The following SPEF2 variants were observed in gnomAD, a reference collection of about 807,000 sequenced individuals.
The protein encoded by SPEF2 is sperm flagellar and cilia associated 2.
Under a neutral mutation model 224.6 loss-of-function variants are expected in SPEF2, and 187 were observed. The observed-to-expected ratio is 0.83, with a 90% CI of 0.74 to 0.94. The LOEUF (loss-of-function observed/expected upper bound fraction) is 0.94. Ranked by LOEUF, SPEF2 falls within the 40% of genes least tolerant of loss-of-function variation. The pLI is 0.00. For missense variants in SPEF2, 2,170 were observed against 2,135.6 expected, an observed-to-expected ratio of 1.02 and a Z score of -0.32; for synonymous variants, 715 against 707.3, an observed-to-expected ratio of 1.01 and a Z score of -0.17.
chr5:35,801,633 CT>C (rs1283062438), intron 34 of SPEF2, among the ~76,000 whole-genome samples: 1 of 152,172 alleles, frequency 6.6e-6, no homozygotes, highest in Non-Finnish European at 1.5e-5. Flanking sequence ...GTTCCCTAAA[CT>C]AACTCTGGAT....
At chr5:35,666,353 G>A (rs571095448) in intron 8 of SPEF2, among the ~76,000 whole-genome samples, 6 of 152,264 alleles carry the variant, frequency 3.9e-5, no homozygotes, top group Non-Finnish European at 8.8e-5. Flanking sequence ...GCTGGACTGA[G>A]TTCAACCTTT....
intron 21 of SPEF2, among the ~76,000 whole-genome samples, chr5:35,739,386 A>G (rs972168399): frequency 6.6e-6 from 1 of 152,068 alleles, no homozygotes; most frequent in African/African-American, 2.4e-5. Context: ...TCTGGAATAA[A>G]CAGTTATTTT....
chr5:35,669,317 A>G (rs922810186), intron 9 of SPEF2, among the ~76,000 whole-genome samples: 13 of 152,086 alleles, frequency 8.5e-5, no homozygotes, highest in African/African-American at 2.9e-4. Context: ...GACATTTCAC[A>G]CATCTTGTCT....
chr5:35,761,833 A>G (rs1170032589), intron 25 of SPEF2, among the ~76,000 whole-genome samples: 2 of 152,218 alleles, frequency 1.3e-5, no homozygotes, highest in Non-Finnish European at 2.9e-5. Flanking sequence ...GGTTAGTAGA[A>G]TGAAACTGGC....
At chr5:35,747,858 A>G (rs1297652108) in intron 23 of SPEF2, among the ~76,000 whole-genome samples, 1 of 152,062 alleles carries the variant, frequency 6.6e-6, no homozygotes. Context: ...TACAAAACAC[A>G]TCACCCAGCA....
Position 35,752,471 on chromosome 5 carries a change from T to C in SPEF2, c.3331-1153T>C, listed in dbSNP as rs1052149124. Among the ~76,000 whole-genome samples, 10 of 152,022 alleles carry C rather than the reference T, an allele frequency of 6.6e-5. 1 individual carries two copies. The highest frequency in any genetic ancestry group is 4.6e-4 in the Admixed American group (7 of 15,254). On this transcript the variant is annotated intron_variant, in intron 23 of 36. Transcript: ENST00000356031. Reference sequence around the variant, plus strand: ...GAATGGCTAAGTTTTTATTTTTTAATTTTTTATAGAAATGGGGGTTTTGCC... The same window carrying C: ...GAATGGCTAAGTTTTTATTTTTTAACTTTTTATAGAAATGGGGGTTTTGCC...
intron 9 of SPEF2, among the ~76,000 whole-genome samples, chr5:35,669,386 G>C (rs1432597913): frequency 2.0e-5 from 3 of 152,020 alleles, no homozygotes; most frequent in African/African-American, 7.2e-5. Flanking sequence ...TCAGGACTCA[G>C]CTTAGCAGTC....
intron 21 of SPEF2, among the ~76,000 whole-genome samples, chr5:35,729,057 CAA>C (rs1416022240): frequency 1.3e-5 from 2 of 151,898 alleles, no homozygotes; most frequent in East Asian, 1.9e-4. Flanking sequence ...CTATAGAGGA[CAA>C]GAGAGAAATA....
intron 4 of SPEF2, chr5:35,646,453 A>G (rs922648943): frequency 1.0e-4 from 41 of 401,628 alleles, no homozygotes; most frequent in Non-Finnish European, 1.7e-4. Context: ...TGATTTGCAG[A>G]TTCCAGAATT....
chr5:35,705,810 TA>T lies in SPEF2; in HGVS notation c.2665+3del. ...AAATAGCAAAAAAAAAGAATAAAGG[TA>T]TTTACATTTGTTTATAGTTTTGAGT... On this transcript the variant is annotated splice_donor_region_variant and intron_variant, in intron 18 of 36. Coordinates refer to ENST00000356031, the MANE Select transcript of SPEF2 (RefSeq NM_024867.4). 1 of 1,452,726 alleles carries T rather than the reference TA, an allele frequency of 6.9e-7. No homozygotes were observed. The highest frequency in any genetic ancestry group is 1.3e-5 in the South Asian group (1 of 76,826). 90.0% of individuals were successfully genotyped at this position (1,452,726 alleles called of 1,614,324 possible).
At chr5:35,758,425 TATC>T (rs1296204031) in intron 24 of SPEF2, among the ~76,000 whole-genome samples, 1 of 152,090 alleles carries the variant, frequency 6.6e-6, no homozygotes, top group East Asian at 1.9e-4. Context: ...GGTCGAAAAA[TATC>T]ATATTCTACA....
At chr5:35,667,658 T>C (rs758873209) in intron 9 of SPEF2, among the ~76,000 whole-genome samples, 1 of 152,124 alleles carries the variant, frequency 6.6e-6, no homozygotes, top group African/African-American at 2.4e-5. Flanking sequence ...AAATTTTTGC[T>C]CTGCAAAAGA....
chr5:35,709,229 A>T, intron 19 of SPEF2, 108 bp downstream of exon 19: 1 of 1,528,868 alleles, frequency 6.5e-7, no homozygotes, highest in East Asian at 2.4e-5. Flanking sequence ...AACTTCAATC[A>T]TATGAAACAA....
chr5:35,785,794 T>A (rs1339484959), intron 30 of SPEF2, among the ~76,000 whole-genome samples: 1 of 151,822 alleles, frequency 6.6e-6, no homozygotes, highest in Non-Finnish European at 1.5e-5. Context: ...CCTAGGCTCG[T>A]GATCCTCCCA....
At chr5:35,798,996 C>A (rs1757056238) in intron 33 of SPEF2, among the ~76,000 whole-genome samples, 1 of 152,180 alleles carries the variant, frequency 6.6e-6, no homozygotes, top group Non-Finnish European at 1.5e-5. Context: ...CTAGTTAAAC[C>A]TGTTCATAGT....
intron 34 of SPEF2, among the ~76,000 whole-genome samples, chr5:35,803,484 G>T (rs960695788): frequency 6.6e-6 from 1 of 152,202 alleles, no homozygotes; most frequent in Non-Finnish European, 1.5e-5. Flanking sequence ...GCGCTGCAGA[G>T]ATTAAGCTAG....
At chr5:35,659,230 A>G in intron 8 of SPEF2, 23 bp downstream of exon 8, 2 of 1,562,868 alleles carry the variant, frequency 1.3e-6, no homozygotes, top group South Asian at 2.4e-5. Flanking sequence ...TTCCTTAGAA[A>G]TCTTTCTAAG....
At chr5:35,659,940 C>T (rs1163901567) in intron 8 of SPEF2, among the ~76,000 whole-genome samples, 2 of 151,260 alleles carry the variant, frequency 1.3e-5, no homozygotes, top group Admixed American at 1.3e-4. Context: ...TTATGCTATT[C>T]CTTCCTCAGA....
intron 23 of SPEF2, among the ~76,000 whole-genome samples, chr5:35,743,329 G>A (rs975956871): frequency 4.0e-5 from 6 of 151,878 alleles, no homozygotes; most frequent in Non-Finnish European, 7.4e-5. Context: ...TTCAATCCAG[G>A]CAATAAAGGC....
Sources: gnomAD v4.1 joint callset for allele counts (sites outside exome capture counted in the v4.1 genomes callset) on GRCh38, gnomAD v4.1.1 for gene constraint, MANE v1.5 for transcripts, NCBI Gene and HGNC (gene_info 2026-07-23, HGNC 2026-07-21) for gene names.